Variants in PCDH9 observed in about 807,000 individuals in gnomAD.
The protein encoded by PCDH9 is protocadherin 9.
A neutral mutation model predicts 70.6 loss-of-function variants in PCDH9; 24 were observed. That is an observed-to-expected ratio of 0.34 (90% CI 0.25 to 0.48). The LOEUF is 0.48. PCDH9 is among the 20% of genes least tolerant of loss of function. The pLI is 0.99. For missense variants in PCDH9, 1,281 were observed against 1,503.6 expected, an observed-to-expected ratio of 0.85 and a Z score of 2.45; for synonymous variants, 562 against 558.5, an observed-to-expected ratio of 1.01 and a Z score of -0.09.
intron 2 of PCDH9, among the ~76,000 whole-genome samples, chr13:66,929,217 T>C (rs892903333): frequency 6.6e-6 from 1 of 152,016 alleles, no homozygotes; most frequent in African/African-American, 2.4e-5. Context: ...TTTATGCTCT[T>C]ATAAAACCCT....
chr13:66,885,476 G>T (rs2081990371), intron 3 of PCDH9, among the ~76,000 whole-genome samples: 1 of 152,098 alleles, frequency 6.6e-6, no homozygotes, highest in Admixed American at 6.5e-5. Context: ...GGGTTATTCT[G>T]TATTAAATGT....
intron 4 of PCDH9, among the ~76,000 whole-genome samples, chr13:66,559,538 C>T (rs569789062): frequency 3.4e-4 from 51 of 152,012 alleles, no homozygotes; most frequent in African/African-American, 1.1e-3. Flanking sequence ...CAGTGGCTCA[C>T]GCCTGTAATC....
chr13:67,066,242 T>TC (rs2085645257), intron 2 of PCDH9, among the ~76,000 whole-genome samples: 1 of 151,890 alleles, frequency 6.6e-6, no homozygotes, highest in South Asian at 2.1e-4. Flanking sequence ...GGGTCAGCTT[T>TC]TTTTTTTTTA....
chr13:67,168,812 T>C (rs2088197112), intron 2 of PCDH9, among the ~76,000 whole-genome samples: 1 of 152,210 alleles, frequency 6.6e-6, no homozygotes, highest in Non-Finnish European at 1.5e-5. Flanking sequence ...AATCATTTAA[T>C]GGTCATTTAA....
At chr13:67,085,811 C>A (rs2086095575) in intron 2 of PCDH9, among the ~76,000 whole-genome samples, 1 of 152,172 alleles carries the variant, frequency 6.6e-6, no homozygotes, top group African/African-American at 2.4e-5. Flanking sequence ...GTAAATAGAT[C>A]TTTCAATATA....
chr13:66,373,712 T>G (rs2138223265), intron 4 of PCDH9, among the ~76,000 whole-genome samples: 1 of 152,200 alleles, frequency 6.6e-6, no homozygotes, highest in South Asian at 2.1e-4. Context: ...ATTTGATCTA[T>G]ATAAGAGTAG....
At chr13:67,111,510 C>T (rs973679952) in intron 2 of PCDH9, among the ~76,000 whole-genome samples, 16 of 152,090 alleles carry the variant, frequency 1.1e-4, no homozygotes, top group African/African-American at 3.6e-4. Context: ...TGATTCATCA[C>T]GAAAATAGTT....
intron 4 of PCDH9, among the ~76,000 whole-genome samples, chr13:66,438,139 C>T (rs893148011): frequency 2.7e-5 from 4 of 150,792 alleles, no homozygotes; most frequent in Admixed American, 6.6e-5. Context: ...GAGGCTGAGG[C>T]GGGATAATTG....
intron 4 of PCDH9, among the ~76,000 whole-genome samples, chr13:66,341,260 T>A (rs1342216241): frequency 1.3e-5 from 2 of 151,942 alleles, no homozygotes; most frequent in Non-Finnish European, 2.9e-5. Context: ...AGCCAGCTAA[T>A]GTTTTAGTTT....
chr13:66,973,610 C>G (rs1477482534), intron 2 of PCDH9, among the ~76,000 whole-genome samples: 1 of 151,952 alleles, frequency 6.6e-6, no homozygotes, highest in East Asian at 1.9e-4. Context: ...ATCATCTATT[C>G]ATTTTTAATC....
intron 4 of PCDH9, among the ~76,000 whole-genome samples, chr13:66,468,177 A>T (rs986417992): frequency 3.3e-5 from 5 of 152,054 alleles, no homozygotes; most frequent in African/African-American, 1.2e-4. Context: ...CTCTCATCCC[A>T]GGAAATACCA....
chr13:66,651,886 C>T (rs973838106), intron 3 of PCDH9, among the ~76,000 whole-genome samples: 1 of 151,988 alleles, frequency 6.6e-6, no homozygotes, highest in Admixed American at 6.5e-5. Context: ...GATACATCAT[C>T]TCAAGAGAAT....
At chr13:66,932,089 A>G (rs1030958268) in intron 2 of PCDH9, among the ~76,000 whole-genome samples, 16 of 152,134 alleles carry the variant, frequency 1.1e-4, no homozygotes, top group African/African-American at 3.4e-4. Context: ...TGTGATCGTA[A>G]CAGGAAGGAA....
In PCDH9 at chr13:66,488,192, C is replaced by T. The variant is rs569900071; in HGVS notation, c.3340+143018G>A. Among the ~76,000 whole-genome samples, 11 of 152,228 alleles carry T rather than the reference C, an allele frequency of 7.2e-5. 1 individual carries two copies. Among genetic ancestry groups the T allele is most frequent in the Admixed American group, 5.9e-4 (9 of 15,274 alleles). On this transcript the variant is annotated intron_variant, in intron 4 of 4. Coordinates refer to ENST00000377865, the MANE Select transcript of PCDH9 (RefSeq NM_203487.3). Reference sequence around the variant, plus strand: ...CCATGCCTGAGCTAGAAAGAGCCGACGCTGAAATCAAGCCAATGTGTCCCA... The same window carrying T: ...CCATGCCTGAGCTAGAAAGAGCCGATGCTGAAATCAAGCCAATGTGTCCCA...
intron 3 of PCDH9, among the ~76,000 whole-genome samples, chr13:66,804,115 T>G (rs981625491): frequency 3.9e-5 from 6 of 152,204 alleles, no homozygotes; most frequent in African/African-American, 1.4e-4. Context: ...TCTACTGTTT[T>G]CATTGAGAAG....
At chr13:67,161,453 CCT>C (rs1261810481) in intron 2 of PCDH9, among the ~76,000 whole-genome samples, 3 of 152,168 alleles carry the variant, frequency 2.0e-5, no homozygotes, top group African/African-American at 7.2e-5. Flanking sequence ...GGCTTAGCAC[CCT>C]CTGATTTCAG....
intron 4 of PCDH9, among the ~76,000 whole-genome samples, chr13:66,584,345 A>G (rs1263378522): frequency 6.6e-6 from 1 of 152,192 alleles, no homozygotes; most frequent in East Asian, 1.9e-4. Context: ...ATTTTTGAGT[A>G]CAGAATTAAT....
intron 3 of PCDH9, among the ~76,000 whole-genome samples, chr13:66,769,495 C>A (rs1430209575): frequency 6.9e-6 from 1 of 144,632 alleles, no homozygotes; most frequent in Admixed American, 6.8e-5. Context: ...TTTTTTTTTT[C>A]AGATATGCAA....
intron 3 of PCDH9, among the ~76,000 whole-genome samples, chr13:66,739,991 C>T (rs1368426852): frequency 2.6e-5 from 4 of 151,654 alleles, no homozygotes; most frequent in Admixed American, 2.0e-4. Flanking sequence ...CCAAGCGGAC[C>T]TAATAGACAT....
Sources: gnomAD v4.1 joint callset for allele counts (sites outside exome capture counted in the v4.1 genomes callset) on GRCh38, gnomAD v4.1.1 for gene constraint, MANE v1.5 for transcripts, NCBI Gene and HGNC (gene_info 2026-07-23, HGNC 2026-07-21) for gene names.